The following LRCH1 variants were observed in gnomAD, a reference collection of about 807,000 sequenced individuals.
LRCH1 encodes the protein leucine rich repeats and calponin homology domain containing 1.
A neutral mutation model predicts 94.9 loss-of-function variants in LRCH1; 23 were observed. The observed-to-expected ratio is 0.24, with a 90% CI of 0.17 to 0.34. LRCH1 has a LOEUF of 0.34. LRCH1 is among the 10% of genes least tolerant of loss of function. The pLI is 1.00. For missense variants in LRCH1, 790 were observed against 945.9 expected, an observed-to-expected ratio of 0.84 and a Z score of 2.16; for synonymous variants, 364 against 354.9, an observed-to-expected ratio of 1.03 and a Z score of -0.29.
chr13:46,580,976 A>G (rs1278468455), intron 1 of LRCH1, among the ~76,000 whole-genome samples: 1 of 152,212 alleles, frequency 6.6e-6, no homozygotes, highest in Non-Finnish European at 1.5e-5. Flanking sequence ...TATTTTAATA[A>G]CATTTTGGAT....
intron 18 of LRCH1, among the ~76,000 whole-genome samples, chr13:46,733,494 G>T (rs1187263103): frequency 1.3e-5 from 2 of 152,048 alleles, no homozygotes; most frequent in Non-Finnish European, 2.9e-5. Context: ...ACTAAAACAG[G>T]TTACACAACA....
intron 1 of LRCH1, 72 bp downstream of exon 1, chr13:46,553,775 G>A: frequency 6.4e-7 from 1 of 1,569,602 alleles, no homozygotes; most frequent in Non-Finnish European, 8.6e-7. Flanking sequence ...CCCTAACGCG[G>A]TGGACAGTCG....
intron 1 of LRCH1, among the ~76,000 whole-genome samples, chr13:46,576,665 G>C (rs2050308210): frequency 6.6e-6 from 1 of 152,138 alleles, no homozygotes; most frequent in Non-Finnish European, 1.5e-5. Flanking sequence ...CCCTTCTGAG[G>C]TTCAGTAGAA....
At chr13:46,574,442 C>T (rs755740376) in intron 1 of LRCH1, among the ~76,000 whole-genome samples, 1 of 152,112 alleles carries the variant, frequency 6.6e-6, no homozygotes, top group African/African-American at 2.4e-5. Flanking sequence ...GTCTAGAGAT[C>T]TATAATAACC....
chr13:46,714,317 G>A (rs904278840), intron 15 of LRCH1, among the ~76,000 whole-genome samples: 5 of 152,072 alleles, frequency 3.3e-5, no homozygotes, highest in African/African-American at 1.2e-4. Context: ...TTAAAAACTT[G>A]CATTATGTAT....
chr13:46,638,326 A>T (rs2051117095), intron 1 of LRCH1, among the ~76,000 whole-genome samples: 1 of 152,168 alleles, frequency 6.6e-6, no homozygotes, highest in Admixed American at 6.5e-5. Context: ...TTTGGATAAA[A>T]CTTGTGGCAA....
At chr13:46,681,872 G>T (rs373509371) in intron 4 of LRCH1, 26 bp downstream of exon 4, 37 of 1,401,180 alleles carry the variant, frequency 2.6e-5, no homozygotes, top group Admixed American at 1.0e-4. Flanking sequence ...GGAAAATGAA[G>T]AAAATGGGAG....
intron 1 of LRCH1, among the ~76,000 whole-genome samples, chr13:46,592,096 A>G (rs1054791205): frequency 2.0e-5 from 3 of 152,226 alleles, no homozygotes; most frequent in Admixed American, 1.3e-4. Context: ...TAGGATTGCA[A>G]TGCTGAGCCC....
At chr13:46,573,397 A>T (rs1295023481) in intron 1 of LRCH1, among the ~76,000 whole-genome samples, 1 of 152,204 alleles carries the variant, frequency 6.6e-6, no homozygotes, top group Non-Finnish European at 1.5e-5. Flanking sequence ...AAAGGAAAGA[A>T]AATCAGTACA....
At chr13:46,746,366 A>G (rs369994594), downstream of LRCH1, among the ~76,000 whole-genome samples, 16 of 152,280 alleles carry the variant, frequency 1.1e-4, no homozygotes, top group South Asian at 2.1e-4. Context: ...GTCTTTTCCA[A>G]TGTCGTTTGC....
At chr13:46,573,622 G>A (rs9595493) in intron 1 of LRCH1, among the ~76,000 whole-genome samples, 24,611 of 151,448 alleles carry the variant, frequency 0.16, 2,282 homozygotes, top group African/African-American at 0.25. Context: ...GAAATAAGCC[G>A]GGCACAGAAA....
In LRCH1 at chr13:46,735,903, T is replaced by C. The variant is rs569069276; in HGVS notation, c.2085+1905T>C. ...CCTCCACTTCCCGGGTTCAAGCGAT[T>C]CTCTTGCCTCAGCCTCGCAGGTAGC... On this transcript the variant is annotated intron_variant, in intron 19 of 19. Coordinates refer to ENST00000389797, the MANE Select transcript of LRCH1 (RefSeq NM_001164211.2). 1.9e-4 allele frequency among the ~76,000 whole-genome samples: 29 copies of C among 151,448 alleles called. No homozygotes were observed. The East Asian group carries it at 5.3e-3, about 28-fold the overall frequency.
chr13:46,689,031 G>A lies in LRCH1; in HGVS notation c.951-102G>A, dbSNP rs116614197. ...CCTTATGGTAATAATAAAAATTTGC[G>A]TAGCAAAATTATTATTAGAATATAA... is the stretch of plus-strand genomic sequence containing the variant. On this transcript the variant is annotated intron_variant, in intron 6 of 19. Transcript: ENST00000389797. 8.3e-4 allele frequency: 766 copies of A among 919,514 alleles called. 3 individuals are homozygous for A. The African/African-American group carries it at 9.2e-3, about 11-fold the overall frequency. The allele number at this position is 919,514 out of a possible 1,614,324, so 57.0% of individuals were successfully genotyped here.
At chr13:46,566,898 C>G (rs978873268) in intron 1 of LRCH1, among the ~76,000 whole-genome samples, 2 of 152,202 alleles carry the variant, frequency 1.3e-5, no homozygotes, top group East Asian at 3.8e-4. Context: ...CTAATCCTCA[C>G]TTGTTTGTGA....
intron 1 of LRCH1, among the ~76,000 whole-genome samples, chr13:46,601,725 G>T (rs536591686): frequency 6.6e-6 from 1 of 152,164 alleles, no homozygotes; most frequent in Non-Finnish European, 1.5e-5. Context: ...GCCCTGCTCT[G>T]TTGGGTTTCT....
chr13:46,553,972 C>T lies in LRCH1; in HGVS notation c.307+269C>T, dbSNP rs574881002. Among the ~76,000 whole-genome samples, 6 of 152,328 alleles carry T rather than the reference C, an allele frequency of 3.9e-5. No individual in the cohort carries two copies. In the South Asian group the frequency reaches 1.2e-3, roughly 32 times the overall value. On this transcript the variant is annotated intron_variant, in intron 1 of 19. Coordinates refer to ENST00000389797, the MANE Select transcript of LRCH1 (RefSeq NM_001164211.2). Reference sequence around the variant, plus strand: ...GCCTGAGAGCGAGGGGTCTCCGGCTCTCCACCCTGTGGCTGCCGCGCCAGG... The same window carrying T: ...GCCTGAGAGCGAGGGGTCTCCGGCTTTCCACCCTGTGGCTGCCGCGCCAGG...
intron 8 of LRCH1, among the ~76,000 whole-genome samples, chr13:46,694,464 C>G (rs1241320547): frequency 3.9e-5 from 6 of 152,156 alleles, no homozygotes; most frequent in Non-Finnish European, 8.8e-5. Context: ...TGTTTAAGGA[C>G]AGGAGTCAGA....
intron 16 of LRCH1, among the ~76,000 whole-genome samples, chr13:46,718,244 T>G (rs1440199950): frequency 7.2e-5 from 11 of 152,244 alleles, no homozygotes; most frequent in Non-Finnish European, 1.2e-4. Context: ...AGAGAATGGA[T>G]GAATGGACCA....
At chr13:46,565,634 A>G (rs1222755662) in intron 1 of LRCH1, among the ~76,000 whole-genome samples, 2 of 152,008 alleles carry the variant, frequency 1.3e-5, no homozygotes, top group East Asian at 3.9e-4. Context: ...CAATATGGTG[A>G]GACCCGTCTC....
Sources: gnomAD v4.1 joint callset for allele counts (sites outside exome capture counted in the v4.1 genomes callset) on GRCh38, gnomAD v4.1.1 for gene constraint, MANE v1.5 for transcripts, NCBI Gene and HGNC (gene_info 2026-07-23, HGNC 2026-07-21) for gene names.